Variants in ZBTB20 observed in about 807,000 individuals in gnomAD.
ZBTB20 encodes zinc finger and BTB domain-containing protein 20.
A neutral mutation model predicts 56.9 loss-of-function variants in ZBTB20; 9 were observed. The observed-to-expected ratio is 0.16, with a 90% CI of 0.10 to 0.28. The LOEUF is 0.28. Ranked by LOEUF, ZBTB20 falls within the 10% of genes least tolerant of loss-of-function variation. The pLI is 1.00. For synonymous variants in ZBTB20, 417 were observed against 420.7 expected, an observed-to-expected ratio of 0.99 and a Z score of 0.11; for missense variants, 655 against 1,003.0, an observed-to-expected ratio of 0.65 and a Z score of 4.69.
chr3:115,131,094 T>C (rs898592314), intron 1 of ZBTB20, among the ~76,000 whole-genome samples: 13 of 152,154 alleles, frequency 8.5e-5, no homozygotes, highest in Non-Finnish European at 1.9e-4. Context: ...TATTCAAATA[T>C]ACCTAATTTT....
intron 1 of ZBTB20, among the ~76,000 whole-genome samples, chr3:115,131,386 C>G (rs1425566333): frequency 6.6e-6 from 1 of 152,114 alleles, no homozygotes. Flanking sequence ...CTATACCTTG[C>G]TCTTCTCACT....
At chr3:114,432,072 T>A (rs987296518) in intron 7 of ZBTB20, among the ~76,000 whole-genome samples, 1 of 151,942 alleles carries the variant, frequency 6.6e-6, no homozygotes, top group African/African-American at 2.4e-5. Flanking sequence ...AACCACACAC[T>A]TATATTTTGC....
intron 7 of ZBTB20, among the ~76,000 whole-genome samples, chr3:114,417,125 A>G (rs534603007): frequency 2.6e-5 from 4 of 152,228 alleles, no homozygotes; most frequent in Admixed American, 6.5e-5. Flanking sequence ...TGTTCTTTTC[A>G]GTGATGTGCA....
chr3:114,893,736 G>C (rs1229378964), intron 4 of ZBTB20, among the ~76,000 whole-genome samples: 6 of 152,222 alleles, frequency 3.9e-5, no homozygotes, highest in Admixed American at 3.9e-4. Context: ...ATGAGGAAGG[G>C]GAGGGAGTGA....
intron 6 of ZBTB20, among the ~76,000 whole-genome samples, chr3:114,675,063 G>GAATATATATTATATATATTATATATATA (rs2061553309): frequency 1.4e-5 from 2 of 147,470 alleles, no homozygotes; most frequent in South Asian, 2.1e-4. Flanking sequence ...ATATATATAT[G>GAATATATATTATATATATTATATATATA]AATATATATT....
intron 7 of ZBTB20, among the ~76,000 whole-genome samples, chr3:114,434,317 A>C (rs2090343609): frequency 6.6e-6 from 1 of 151,978 alleles, no homozygotes; most frequent in African/African-American, 2.4e-5. Context: ...GCCCCTAAGG[A>C]GTATGAGTTG....
At chr3:114,341,725 C>T (rs148357933) in intron 11 of ZBTB20, among the ~76,000 whole-genome samples, 4 of 152,236 alleles carry the variant, frequency 2.6e-5, no homozygotes, top group Non-Finnish European at 5.9e-5. Context: ...CCATGTGACC[C>T]TGGGCTTTTT....
At chr3:115,036,192 C>A (rs184807745) in intron 2 of ZBTB20, among the ~76,000 whole-genome samples, 1 of 151,042 alleles carries the variant, frequency 6.6e-6, no homozygotes, top group African/African-American at 2.4e-5. Context: ...TTAATGCCAC[C>A]AAACTGTACA....
intron 6 of ZBTB20, chr3:114,658,584 T>C (rs1045040653): frequency 1.3e-5 from 2 of 152,186 alleles, no homozygotes; most frequent in African/African-American, 4.8e-5. Flanking sequence ...CCATCTCCCA[T>C]GTTAACAACT....
At chr3:114,436,206 T>C (rs2090503960) in intron 7 of ZBTB20, among the ~76,000 whole-genome samples, 1 of 152,210 alleles carries the variant, frequency 6.6e-6, no homozygotes, top group Admixed American at 6.5e-5. Context: ...CTTTGATTCT[T>C]GTGCTGACAT....
intron 1 of ZBTB20, among the ~76,000 whole-genome samples, chr3:115,141,899 T>C (rs374201197): frequency 5.3e-5 from 8 of 152,330 alleles, no homozygotes; most frequent in African/African-American, 1.9e-4. Flanking sequence ...ACTTGATAGA[T>C]GTCAAGATTT....
intron 4 of ZBTB20, among the ~76,000 whole-genome samples, chr3:114,876,849 TTC>T (rs1483978789): frequency 6.6e-6 from 1 of 152,166 alleles, no homozygotes; most frequent in Non-Finnish European, 1.5e-5. Context: ...AGATTGGAAA[TTC>T]TCTCTTTCTC....
At chr3:114,891,396 T>C (rs936812322) in intron 4 of ZBTB20, among the ~76,000 whole-genome samples, 1 of 152,226 alleles carries the variant, frequency 6.6e-6, no homozygotes, top group Non-Finnish European at 1.5e-5. Flanking sequence ...TCATGTCTCC[T>C]CAAGTATCAT....
rs190160389 is a variant in ZBTB20, at chr3:114,835,544, T to C, written c.-416-34370A>G. 4.6e-5 allele frequency among the ~76,000 whole-genome samples: 7 copies of C among 152,314 alleles called. No individual in the cohort carries two copies. The East Asian group carries it at 1.4e-3, about 29-fold the overall frequency. ...TCTGATGGAACAATACAATGAACTA[T>C]ACAATACAATTTAATTTTATAATAC... On this transcript the variant is annotated intron_variant, in intron 4 of 11. Transcript: ENST00000675478.
intron 6 of ZBTB20, chr3:114,658,353 A>G (rs1374253246): frequency 6.6e-6 from 1 of 152,214 alleles, no homozygotes; most frequent in Non-Finnish European, 1.5e-5. Context: ...TTTGCTAAGT[A>G]GTTTATATAT....
chr3:115,019,699 T>C (rs1255789264), intron 2 of ZBTB20, among the ~76,000 whole-genome samples: 1 of 151,276 alleles, frequency 6.6e-6, no homozygotes, highest in Non-Finnish European at 1.5e-5. Flanking sequence ...TCTGGATATA[T>C]ACTGAATGCA....
chr3:114,452,871 C>G (rs1451974216), intron 7 of ZBTB20, among the ~76,000 whole-genome samples: 1 of 152,020 alleles, frequency 6.6e-6, no homozygotes. Context: ...TTTTGTAGAG[C>G]TTGAGAATTG....
chr3:114,787,377 A>ACACACACACACACACAC lies in ZBTB20; in HGVS notation c.-343+13723_-343+13724insGTGTGTGTGTGTGTGTG, dbSNP rs1553821575. 1.7e-3 allele frequency among the ~76,000 whole-genome samples: 247 copies of ACACACACACACACACAC among 141,424 alleles called. 1 individual carries two copies. Among genetic ancestry groups the ACACACACACACACACAC allele is most frequent in the Middle Eastern group, 0.016 (4 of 254 alleles). The allele number at this position is 141,424 out of a possible 152,430, so 92.8% of individuals were successfully genotyped here. A position where few individuals can be genotyped will look rare whatever the true frequency, so the allele number is the denominator to read the frequency against. On this transcript the variant is annotated intron_variant, in intron 5 of 11. Coordinates refer to ENST00000675478, the MANE Select transcript of ZBTB20 (RefSeq NM_001348800.3). ...TATATATATATATATATACACACAC[A>ACACACACACACACACAC]CACACACACACACACATATATATAC...
chr3:114,552,105 C>T (rs2050660267), intron 6 of ZBTB20, among the ~76,000 whole-genome samples: 1 of 152,158 alleles, frequency 6.6e-6, no homozygotes, highest in Admixed American at 6.5e-5. Context: ...ATCTCAGCTA[C>T]TCAGGGGGTG....
Sources: gnomAD v4.1 joint callset for allele counts (sites outside exome capture counted in the v4.1 genomes callset) on GRCh38, gnomAD v4.1.1 for gene constraint, MANE v1.5 for transcripts, NCBI Gene and HGNC (gene_info 2026-07-23, HGNC 2026-07-21) for gene names.